Variants in CCDC197 observed in about 807,000 individuals in gnomAD.
CCDC197 encodes the protein uncharacterized protein CCDC197.
A neutral mutation model predicts 13.4 loss-of-function variants in CCDC197; 24 were observed. The observed-to-expected ratio is 1.80, with a 90% CI of 1.30 to 2.53. CCDC197 has a LOEUF of 2.53. Ranked by LOEUF, CCDC197 falls within the 30% of genes most tolerant of loss-of-function variation. The pLI is 0.00. For synonymous variants in CCDC197, 99 were observed against 55.5 expected (o/e 1.78, Z -3.48); for missense variants, 255 against 148.8 (o/e 1.71, Z -3.71).
chr14:93,998,351 G>T, intron 2 of CCDC197, 116 bp downstream of exon 2: 1 of 675,076 alleles, frequency 1.5e-6, no homozygotes, highest in South Asian at 1.6e-5. Context: ...TGGATGAGGA[G>T]GGCAGTGTGG....
At position 93,999,812 on chromosome 14, in the gene CCDC197, G is replaced by A. The variant is rs547961545; in HGVS notation, c.187+147G>A. 1.1e-3 allele frequency: 715 copies of A among 627,036 alleles called. 1 individual carries two copies. Among genetic ancestry groups the A allele is most frequent in the Admixed American group, 2.5e-3 (95 of 37,840 alleles). 38.8% of individuals were successfully genotyped at this position (627,036 alleles called of 1,614,324 possible). A position where few individuals can be genotyped will look rare whatever the true frequency, so the allele number is the denominator to read the frequency against. On this transcript the variant is annotated intron_variant, in intron 3 of 6. Transcript: ENST00000636493. ...CAAAGGCCAACCCCACAGTAGTGGG[G>A]AAGGGCTCAGGCAGCCGAGTCTGAC...
intron 1 of CCDC197, among the ~76,000 whole-genome samples, chr14:93,988,675 G>T (rs1384603634): frequency 1.8e-5 from 1 of 54,782 alleles, no homozygotes; most frequent in Non-Finnish European, 3.5e-5. Flanking sequence ...AGGACGAGGG[G>T]ATAGGAGGAG....
In CCDC197 at chr14:93,998,113, A is replaced by C. The variant is rs377371143; in HGVS notation, c.-19A>C. On this transcript the variant is annotated 5_prime_UTR_variant, in exon 2 of 7. Transcript: ENST00000636493. The stretch of plus-strand genomic sequence containing the variant: ...TCACGGGTCTCCTGTCCTCCTGCAT[A>C]GCTTGCGGTGGTGAGGTGATGGCAG... 4 of 780,254 alleles carry C rather than the reference A, an allele frequency of 5.1e-6. No homozygotes were observed. The highest frequency in any genetic ancestry group is 1.7e-5 in the African/African-American group (1 of 59,094). The allele number at this position is 780,254 out of a possible 1,614,324, so 48.3% of individuals were successfully genotyped here. A position where few individuals can be genotyped will look rare whatever the true frequency, so the allele number is the denominator to read the frequency against.
chr14:94,006,518 G>A (rs60792440), intron 6 of CCDC197, among the ~76,000 whole-genome samples: 8,846 of 151,906 alleles, frequency 0.058, 665 homozygotes, highest in African/African-American at 0.17. Flanking sequence ...CACCATACAC[G>A]GCTAAGTTTT....
chr14:94,011,586 C>G (rs947814351), downstream of CCDC197, among the ~76,000 whole-genome samples: 5 of 152,254 alleles, frequency 3.3e-5, no homozygotes, highest in African/African-American at 1.2e-4. Context: ...GCTCGCTCCC[C>G]CATGACCCTG....
intron 4 of CCDC197, 57 bp downstream of exon 4, chr14:94,001,380 G>T (rs1890502203): frequency 1.5e-6 from 1 of 678,678 alleles, no homozygotes; most frequent in South Asian, 1.7e-5. Flanking sequence ...TGGGGGCGTG[G>T]GGCCCCCTTT....
chr14:93,995,390 C>CCCTAT (rs2141343314), upstream of CCDC197, among the ~76,000 whole-genome samples: 1 of 152,250 alleles, frequency 6.6e-6, no homozygotes, highest in South Asian at 2.1e-4. Flanking sequence ...GCGAGGGAAA[C>CCCTAT]AAGGCCCCTA....
Position 94,004,924 on chromosome 14 carries a change from G to C in CCDC197, c.568G>C (p.Gly190Arg), listed in dbSNP as rs1015744294. The change falls in exon 6 of 7, where the codon GGC becomes CGC. Residue 190 changes from glycine (G) to arginine (R), a missense_variant. Gly to Arg is a moderately radical substitution (Grantham distance 125). Coordinates refer to ENST00000636493, the MANE Select transcript of CCDC197 (RefSeq NM_001351596.2). ...CCGGCAGTGCTGCCCCTCTGCCCAC[G>C]GCGTGCCCAAGAGCATGGATCTCTT... ...MARQCCPSAH[G>R]VPKSMDLFSK... 7.1e-6 allele frequency: 5 copies of C among 702,768 alleles called. No homozygotes were observed. In the African/African-American group the frequency reaches 8.7e-5, roughly 12 times the overall value. The allele number at this position is 702,768 out of a possible 1,614,324, so 43.5% of individuals were successfully genotyped here.
In CCDC197 at chr14:94,008,798, T is replaced by C. The variant is rs1236461744; in HGVS notation, c.805T>C (p.Ser269Pro). Residue 269 changes from serine to proline, a missense_variant, in exon 7 of 7, where the codon TCC becomes CCC. Physicochemically the swap from Ser to Pro is moderately conservative, Grantham distance 74 (BLOSUM62 -1). Transcript: ENST00000636493. ...PFPSPHASEC[S>P]GLY ...TCCCAGCCCCCATGCTTCAGAGTGC[T>C]CCGGCCTGTACTGACCAGCCTGCGC... 1.4e-6 allele frequency: 1 copy of C among 702,422 alleles called. No homozygotes were observed. The highest frequency in any genetic ancestry group is 1.5e-5 in the South Asian group (1 of 67,584). The allele number at this position is 702,422 out of a possible 1,614,324, so 43.5% of individuals were successfully genotyped here.
intron 4 of CCDC197, among the ~76,000 whole-genome samples, chr14:94,002,708 C>T (rs1029371716): frequency 3.3e-5 from 5 of 151,936 alleles, no homozygotes; most frequent in Non-Finnish European, 7.4e-5. Context: ...CAAAAATTAG[C>T]CAGGCATGGT....
upstream of CCDC197, among the ~76,000 whole-genome samples, chr14:93,996,068 G>A (rs1010142203): frequency 5.3e-5 from 8 of 152,020 alleles, no homozygotes; most frequent in Non-Finnish European, 8.8e-5. Context: ...TCTTATCCTC[G>A]TGAAACACCT....
intron 6 of CCDC197, among the ~76,000 whole-genome samples, chr14:94,008,248 G>A (rs1318167201): frequency 6.6e-6 from 1 of 152,224 alleles, no homozygotes; most frequent in African/African-American, 2.4e-5. Context: ...GGAGATGGAG[G>A]CCCATCTGGT....
At chr14:94,001,095 G>A in intron 3 of CCDC197, 50 bp from the exon 4 acceptor site, 2 of 697,786 alleles carry the variant, frequency 2.9e-6, no homozygotes, top group Non-Finnish European at 5.3e-6. Flanking sequence ...CTGTTGGCAT[G>A]GCCCACTGCA....
chr14:94,005,909 G>A (rs532233408), intron 6 of CCDC197, among the ~76,000 whole-genome samples: 3 of 152,074 alleles, frequency 2.0e-5, no homozygotes, highest in African/African-American at 4.8e-5. Context: ...ATCAGTTGAC[G>A]GACATCTGGA....
rs747812967 is a variant in CCDC197, at chr14:93,998,206, GT to G, written c.76del (p.Trp26GlyfsTer28). The G allele has an allele frequency of 3.2e-5, 25 of 780,472 alleles. No homozygotes were observed. In the Admixed American group the frequency reaches 4.2e-4, roughly 13 times the overall value. The allele number at this position is 780,472 out of a possible 1,614,324, so 48.3% of individuals were successfully genotyped here. On this transcript the variant is annotated frameshift_variant, in exon 2 of 7. Coordinates refer to ENST00000636493, the MANE Select transcript of CCDC197 (RefSeq NM_001351596.2). LOFTEE classifies it high-confidence loss of function. ...GDKEGDLQGL[W>X]QELYQLQAKQ... The stretch of plus-strand genomic sequence containing the variant: ...ACAAGGAAGGGGACCTTCAAGGGCT[GT>G]GGCAGGAACTCTACCAGCTCCAGGC...
intron 6 of CCDC197, 45 bp from the exon 7 acceptor site, chr14:94,008,564 A>T: frequency 1.5e-6 from 1 of 688,684 alleles, no homozygotes; most frequent in Non-Finnish European, 2.7e-6. Flanking sequence ...AGCAGCGTCC[A>T]GAGGCCAAAA....
Position 93,998,242 on chromosome 14 carries a change from G to T in CCDC197, c.104+7G>T. ...TCTACCAGCTCCAGGCTAAGTATGT[G>T]TTGTCCCACCCCTGCCCCAGCCCCA... is the stretch of plus-strand genomic sequence containing the variant. On this transcript the variant is annotated splice_region_variant and intron_variant, in intron 2 of 6. Transcript: ENST00000636493. 1.3e-6 allele frequency: 1 copy of T among 778,900 alleles called. No homozygotes were observed. The highest frequency in any genetic ancestry group is 1.3e-5 in the South Asian group (1 of 74,464). The allele number at this position is 778,900 out of a possible 1,614,324, so 48.2% of individuals were successfully genotyped here. A position where few individuals can be genotyped will look rare whatever the true frequency, so the allele number is the denominator to read the frequency against.
In CCDC197 at chr14:94,003,516, C is replaced by A. The variant is rs943133490; in HGVS notation, c.498+162C>A. On this transcript the variant is annotated intron_variant, in intron 5 of 6. Transcript: ENST00000636493. This position sits in a 1 kb window ranked among gnomAD's most constrained non-coding sequence, Gnocchi z 5.0. Reference sequence around the variant, plus strand: ...AGGCACACACACAGCCAGACACACACACCCACAGACATAGTCACAGCCAGA... The same window carrying A: ...AGGCACACACACAGCCAGACACACAAACCCACAGACATAGTCACAGCCAGA... 1.5e-4 allele frequency among the ~76,000 whole-genome samples: 23 copies of A among 151,594 alleles called. 1 individual carries two copies. Among genetic ancestry groups the A allele is most frequent in the African/African-American group, 5.5e-4 (23 of 41,498 alleles).
At chr14:93,998,378 C>T (rs894018769) in intron 2 of CCDC197, 143 bp downstream of exon 2, 18 of 649,442 alleles carry the variant, frequency 2.8e-5, no homozygotes, top group Middle Eastern at 4.1e-4. Flanking sequence ...AGCAAATGGG[C>T]GGGGTGGGGC....
Sources: gnomAD v4.1 joint callset for allele counts (sites outside exome capture counted in the v4.1 genomes callset) on GRCh38, gnomAD v4.1.1 for gene constraint, Gnocchi (gnomAD v3.1) non-coding constraint, MANE v1.5 for transcripts, NCBI Gene and HGNC (gene_info 2026-07-23, HGNC 2026-07-21) for gene names.